PTX3: variants seen among roughly 807,000 people sequenced by gnomAD.
PTX3 encodes the protein pentraxin-related protein PTX3.
PTX3 carries 24 observed loss-of-function variants against 23.5 expected under a neutral mutation model. The ratio of observed to expected loss-of-function variants is 1.02; its 90% CI spans 0.74 to 1.43. PTX3 has a LOEUF of 1.43. PTX3 is among the 40% of genes most tolerant of loss of function. The probability of loss-of-function intolerance (pLI) is 0.00; values close to 1 mark genes in which losing one functional copy is unlikely to be tolerated. For synonymous variants in PTX3, 218 were observed against 205.4 expected (o/e 1.06, Z -0.53); for missense variants, 510 against 497.5 (o/e 1.02, Z -0.24).
At position 157,442,379 on chromosome 3, in the gene PTX3, T is replaced by A. The variant is rs1734193846; in HGVS notation, c.546T>A (p.Ala182=). The A allele has an allele frequency of 5.0e-6, 8 of 1,607,936 alleles. No homozygotes were observed. In the East Asian group the frequency reaches 1.8e-4, roughly 36 times the overall value. Residue 182 remains alanine (A), a synonymous_variant, in exon 3 of 3, where the codon GCT becomes GCA. Coordinates refer to ENST00000295927, the MANE Select transcript of PTX3 (RefSeq NM_002852.4). Reference sequence around the variant, plus strand: ...TTGCTACTCTAGGTTGTGAAACAGCTATTTTATTCCCAATGCGTTCCAAGA... The same window carrying A: ...TTGCTACTCTAGGTTGTGAAACAGCAATTTTATTCCCAATGCGTTCCAAGA... ...RSWLPAGCET[A]ILFPMRSKKI... is the part of the protein sequence containing the mutation.
At chr3:157,440,015 G>T (rs901124211) in intron 2 of PTX3, among the ~76,000 whole-genome samples, 2 of 152,186 alleles carry the variant, frequency 1.3e-5, no homozygotes, top group African/African-American at 4.8e-5. Context: ...CTCCCAAAGT[G>T]CTGGGATTAC....
At chr3:157,439,019 T>G (rs1217727837) in intron 2 of PTX3, among the ~76,000 whole-genome samples, 2 of 152,196 alleles carry the variant, frequency 1.3e-5, no homozygotes, top group Non-Finnish European at 2.9e-5. Context: ...CATGTTTCAT[T>G]TAAAGTTACA....
chr3:157,442,936 T>C lies in PTX3; in HGVS notation c.1103T>C (p.Val368Ala). 6.2e-7 allele frequency: 1 copy of C among 1,613,328 alleles called. No individual in the cohort carries two copies. Among genetic ancestry groups the C allele is most frequent in the Non-Finnish European group, 8.5e-7 (1 of 1,179,658 alleles). Residue 368 changes from valine (V) to alanine (A), a missense_variant, in exon 3 of 3, where the codon GTC becomes GCC. Physicochemically the swap from Val to Ala is moderately conservative, Grantham distance 64. Transcript: ENST00000295927. ...CGGGGGAATATTGTTGGGTGGGGAG[T>C]CACAGAGATCCAGCCACATGGAGGA... ...HIRGNIVGWGVTEIQPHGGAQ... is the reference protein window; with the variant it reads ...HIRGNIVGWGATEIQPHGGAQ...
rs1432959751 is a variant in PTX3, at chr3:157,437,693, C to T, written c.311C>T (p.Ala104Val). The change falls in exon 2 of 3, where the codon GCG (alanine) becomes GTG (valine). Residue 104 changes from alanine (A) to valine (V), a missense_variant. Ala to Val is a moderately conservative substitution (Grantham distance 64, BLOSUM62 0). Coordinates refer to ENST00000295927, the MANE Select transcript of PTX3 (RefSeq NM_002852.4). ...RLAESLARPC[A>V]PGAPAEARLT... ...GCGGAAAGCCTGGCGAGGCCGTGCG[C>T]GCCGGGGGCTCCCGCAGAGGCCAGG... 2 of 1,532,740 alleles carry T rather than the reference C, an allele frequency of 1.3e-6. No homozygotes were observed. Among genetic ancestry groups the T allele is most frequent in the Admixed American group, 2.0e-5 (1 of 50,560 alleles). The allele number at this position is 1,532,740 out of a possible 1,614,324, so 94.9% of individuals were successfully genotyped here.
Position 157,436,994 on chromosome 3 carries a change from G to T in PTX3, c.61G>T (p.Asp21Tyr). Residue 21 changes from aspartate to tyrosine, a missense_variant, in exon 1 of 3, where the codon GAT becomes TAT. By Grantham distance (160) the Asp-to-Tyr change is radical. Coordinates refer to ENST00000295927, the MANE Select transcript of PTX3 (RefSeq NM_002852.4). The part of the protein sequence containing the change: ...LWSAVLAENS[D>Y]DYDLMYVNLD... Reference sequence around the variant, plus strand: ...GTCTGCAGTGTTGGCCGAGAACTCGGATGATTATGATCTCATGTATGTGAA... The same window carrying T: ...GTCTGCAGTGTTGGCCGAGAACTCGTATGATTATGATCTCATGTATGTGAA... 1.9e-6 allele frequency: 3 copies of T among 1,613,984 alleles called. No individual in the cohort carries two copies. Among genetic ancestry groups the T allele is most frequent in the Non-Finnish European group, 2.5e-6 (3 of 1,179,876 alleles).
At chr3:157,438,003 G>A in intron 2 of PTX3, 89 bp downstream of exon 2, 1 of 1,452,098 alleles carries the variant, frequency 6.9e-7, no homozygotes, top group South Asian at 1.3e-5. Flanking sequence ...AACCTTCTAG[G>A]GGAAGCTTTC....
intron 2 of PTX3, 45 bp downstream of exon 2, chr3:157,437,959 C>T (rs1733775837): frequency 6.6e-7 from 1 of 1,511,200 alleles, no homozygotes; most frequent in African/African-American, 1.4e-5. Context: ...CGGCTTTGTT[C>T]CGGGAGCGCG....
chr3:157,439,917 A>T (rs567003844), intron 2 of PTX3, among the ~76,000 whole-genome samples: 11 of 151,932 alleles, frequency 7.2e-5, no homozygotes, highest in African/African-American at 2.7e-4. Flanking sequence ...TACCCAGCTA[A>T]TTTTTTGCAT....
At position 157,442,942 on chromosome 3, in the gene PTX3, A is replaced by G. The variant is rs748334515; in HGVS notation, c.1109A>G (p.Glu370Gly). ...AATATTGTTGGGTGGGGAGTCACAGAGATCCAGCCACATGGAGGAGCTCAG... is the reference window on the plus strand; with the variant it reads ...AATATTGTTGGGTGGGGAGTCACAGGGATCCAGCCACATGGAGGAGCTCAG... Reference protein sequence around the residue: ...RGNIVGWGVTEIQPHGGAQYV... With the variant: ...RGNIVGWGVTGIQPHGGAQYV... Residue 370 changes from glutamate to glycine, a missense_variant, in exon 3 of 3, where the codon GAG (glutamate) becomes GGG (glycine). Glu to Gly is a moderately conservative substitution (Grantham distance 98). Transcript: ENST00000295927. 17 of 1,613,410 alleles carry G rather than the reference A, an allele frequency of 1.1e-5. No individual in the cohort carries two copies. The South Asian group carries it at 1.8e-4, about 17-fold the overall frequency.
rs775338909 is a variant in PTX3, at chr3:157,437,059, G to A, written c.126G>A (p.Glu42=). Reference sequence around the variant, plus strand: ...TAGACAATGGACTCCATCCCACTGAGGACCGTAAGTTCACTTTAACTGTTT... The same window carrying A: ...TAGACAATGGACTCCATCCCACTGAAGACCGTAAGTTCACTTTAACTGTTT... ...NEIDNGLHPT[E]DPTPCACGQE... is the part of the protein sequence containing the mutation. The change falls in exon 1 of 3, where the codon GAG becomes GAA. Residue 42 remains glutamate, a synonymous_variant. Transcript: ENST00000295927. 7 of 1,613,786 alleles carry A rather than the reference G, an allele frequency of 4.3e-6. No individual in the cohort carries two copies. In the East Asian group the frequency reaches 1.6e-4, roughly 36 times the overall value.
In PTX3 at chr3:157,442,407, AT is replaced by A. The variant is rs1185278242; in HGVS notation, c.579del (p.Phe193LeufsTer7). 11 of 1,613,494 alleles carry A rather than the reference AT, an allele frequency of 6.8e-6. No homozygotes were observed. Among genetic ancestry groups the A allele is most frequent in the Non-Finnish European group, 5.1e-6 (6 of 1,179,574 alleles). The stretch of plus-strand genomic sequence containing the variant: ...TTTATTCCCAATGCGTTCCAAGAAG[AT>A]TTTTGGAAGCGTGCATCCAGTGAGA... Reference protein sequence around the residue: ...AILFPMRSKKIFGSVHPVRPM... With the variant: ...AILFPMRSKKXFGSVHPVRPM... On this transcript the variant is annotated frameshift_variant, in exon 3 of 3. Coordinates refer to ENST00000295927, the MANE Select transcript of PTX3 (RefSeq NM_002852.4). LOFTEE classifies it high-confidence loss of function.
intron 2 of PTX3, among the ~76,000 whole-genome samples, chr3:157,439,478 A>T (rs1392416244): frequency 6.6e-6 from 1 of 152,218 alleles, no homozygotes; most frequent in Non-Finnish European, 1.5e-5. Flanking sequence ...AAAACCTATT[A>T]GTTAAAAGCC....
In PTX3 at chr3:157,437,710, G is replaced by A. The variant is rs974332953; in HGVS notation, c.328G>A (p.Glu110Lys). The A allele has an allele frequency of 5.9e-6, 9 of 1,531,112 alleles. No homozygotes were observed. Among genetic ancestry groups the A allele is most frequent in the African/African-American group, 4.1e-5 (3 of 72,664 alleles). The allele number at this position is 1,531,112 out of a possible 1,614,324, so 94.8% of individuals were successfully genotyped here. A position where few individuals can be genotyped will look rare whatever the true frequency, so the allele number is the denominator to read the frequency against. Residue 110 changes from glutamate (E) to lysine (K), a missense_variant, in exon 2 of 3, where the codon GAG becomes AAG. Transcript: ENST00000295927. ...GCCGTGCGCGCCGGGGGCTCCCGCAGAGGCCAGGCTGACCAGTGCTCTGGA... is the reference window on the plus strand; with the variant it reads ...GCCGTGCGCGCCGGGGGCTCCCGCAAAGGCCAGGCTGACCAGTGCTCTGGA... Reference protein sequence around the residue: ...ARPCAPGAPAEARLTSALDEL... With the variant: ...ARPCAPGAPAKARLTSALDEL...
rs552344858 is a variant in PTX3 at position 157,437,192 on chromosome 3, A to C, written c.130+129A>C. ...TTATAGCTTGTTATGCAAAAGTGAG[A>C]AGCACTTGAAGAAAGATGGAGGTTT... On this transcript the variant is annotated intron_variant, in intron 1 of 2. Transcript: ENST00000295927. 3.4e-5 allele frequency: 43 copies of C among 1,258,170 alleles called. No homozygotes were observed. The South Asian group carries it at 5.4e-4, about 16-fold the overall frequency. The allele number at this position is 1,258,170 out of a possible 1,614,324, so 77.9% of individuals were successfully genotyped here. A position where few individuals can be genotyped will look rare whatever the true frequency, so the allele number is the denominator to read the frequency against.
Position 157,438,031 on chromosome 3 carries a change from GCGCGCGCA to G in PTX3, c.532+119_532+126del, listed in dbSNP as rs1313857814. ...AAGCTTTCATGGGAAGCGCGCGCGC[GCGCGCGCA>G]CACACACACACACACACACACACAC... is the stretch of plus-strand genomic sequence containing the variant. On this transcript the variant is annotated intron_variant, in intron 2 of 2. Coordinates refer to ENST00000295927, the MANE Select transcript of PTX3 (RefSeq NM_002852.4). 128 of 820,246 alleles carry G rather than the reference GCGCGCGCA, an allele frequency of 1.6e-4. No homozygotes were observed. The African/African-American group carries it at 2.2e-3, about 14-fold the overall frequency. 50.8% of individuals were successfully genotyped at this position (820,246 alleles called of 1,614,324 possible).
rs1409057722 is a variant in PTX3, at chr3:157,437,988, C to T, written c.532+74C>T. 3.4e-6 allele frequency: 5 copies of T among 1,485,692 alleles called. No homozygotes were observed. The African/African-American group carries it at 4.3e-5, about 13-fold the overall frequency. 92.0% of individuals were successfully genotyped at this position (1,485,692 alleles called of 1,614,324 possible). On this transcript the variant is annotated intron_variant, in intron 2 of 2. Transcript: ENST00000295927. Reference sequence around the variant, plus strand: ...GAGCGCGCGTAACGGCAAGCCAAGCCAGGCAACCTTCTAGGGGAAGCTTTC... The same window carrying T: ...GAGCGCGCGTAACGGCAAGCCAAGCTAGGCAACCTTCTAGGGGAAGCTTTC...
rs1266855050 is a variant in PTX3, at chr3:157,442,462, G to T, written c.629G>T (p.Cys210Phe). The change falls in exon 3 of 3, where the codon TGC becomes TTC. Residue 210 changes from cysteine to phenylalanine, a missense_variant. Physicochemically the swap from Cys to Phe is radical, Grantham distance 205. Transcript: ENST00000295927. ...ATGAGGCTTGAGTCTTTTAGTGCCTGCATTTGGGTCAAAGCCACAGATGTA... is the reference window on the plus strand; with the variant it reads ...ATGAGGCTTGAGTCTTTTAGTGCCTTCATTTGGGTCAAAGCCACAGATGTA... ...RPMRLESFSACIWVKATDVLN... is the reference protein window; with the variant it reads ...RPMRLESFSAFIWVKATDVLN... 1.2e-6 allele frequency: 2 copies of T among 1,614,186 alleles called. No individual in the cohort carries two copies. The highest frequency in any genetic ancestry group is 1.1e-5 in the South Asian group (1 of 91,088).
At chr3:157,437,951 G>A in intron 2 of PTX3, 37 bp downstream of exon 2, 2 of 1,519,398 alleles carry the variant, frequency 1.3e-6, no homozygotes, top group East Asian at 5.1e-5. Context: ...TCCCACTGCG[G>A]CTTTGTTCCG....
At chr3:157,437,094 C>A (rs750077461) in intron 1 of PTX3, 31 bp downstream of exon 1, 6 of 1,608,636 alleles carry the variant, frequency 3.7e-6, no homozygotes, top group Non-Finnish European at 4.3e-6. Flanking sequence ...TCTCTGCTAA[C>A]CCTGACTACA....
Sources: gnomAD v4.1 joint callset for allele counts (sites outside exome capture counted in the v4.1 genomes callset) on GRCh38, gnomAD v4.1.1 for gene constraint, MANE v1.5 for transcripts, NCBI Gene and HGNC (gene_info 2026-07-23, HGNC 2026-07-21) for gene names.